Variants in CACNG2 observed in about 807,000 individuals in gnomAD.
The protein encoded by CACNG2 is voltage-dependent calcium channel gamma-2 subunit.
A neutral mutation model predicts 25.9 loss-of-function variants in CACNG2; 3 were observed. That is an observed-to-expected ratio of 0.12 (90% CI 0.05 to 0.30). The LOEUF (loss-of-function observed/expected upper bound fraction) is 0.30, where lower values mean the gene tolerates loss of function less well. Ranked by LOEUF, CACNG2 falls within the 10% of genes least tolerant of loss-of-function variation. The probability of loss-of-function intolerance (pLI) is 1.00; values close to 1 mark genes in which losing one functional copy is unlikely to be tolerated. For missense variants in CACNG2, 341 were observed against 432.5 expected (o/e 0.79, Z 1.88); for synonymous variants, 167 against 173.3 (o/e 0.96, Z 0.29).
intron 1 of CACNG2, among the ~76,000 whole-genome samples, chr22:36,653,149 T>G (rs946055544): frequency 6.6e-6 from 1 of 152,052 alleles, no homozygotes; most frequent in Non-Finnish European, 1.5e-5. Context: ...TGGAGAAACC[T>G]CGTCTCTACT....
intron 1 of CACNG2, among the ~76,000 whole-genome samples, chr22:36,630,331 G>C (rs1332239319): frequency 6.6e-6 from 1 of 152,166 alleles, no homozygotes; most frequent in Non-Finnish European, 1.5e-5. Flanking sequence ...TATTCTGAAG[G>C]CAGAGTCAAC....
intron 1 of CACNG2, among the ~76,000 whole-genome samples, chr22:36,596,201 G>A (rs1935676175): frequency 6.6e-6 from 1 of 152,206 alleles, no homozygotes; most frequent in African/African-American, 2.4e-5. Context: ...CAAAGGAAGG[G>A]TTTAGTGGGA....
chr22:36,644,997 T>C (rs1184744536), intron 1 of CACNG2, among the ~76,000 whole-genome samples: 2 of 152,268 alleles, frequency 1.3e-5, no homozygotes, highest in Admixed American at 1.3e-4. Context: ...TCTATCAAAT[T>C]CACATAACAA....
intron 1 of CACNG2, among the ~76,000 whole-genome samples, chr22:36,595,543 G>A (rs934321974): frequency 1.3e-5 from 2 of 152,160 alleles, no homozygotes; most frequent in African/African-American, 2.4e-5. Flanking sequence ...GTACAAAGAC[G>A]TGACAAATTG....
At chr22:36,684,615 CAAAA>C (rs10647451) in intron 1 of CACNG2, among the ~76,000 whole-genome samples, 1 of 101,344 alleles carries the variant, frequency 9.9e-6, no homozygotes, top group African/African-American at 3.6e-5. Flanking sequence ...GACCTTGTCT[CAAAA>C]AAAAAAAAAA....
At position 36,702,864 on chromosome 22, in the gene CACNG2, A is replaced by T. The variant is rs1484611659; in HGVS notation, c.-288T>A. On this transcript the variant is annotated 5_prime_UTR_variant, in exon 1 of 4. Transcript: ENST00000300105. ...TTTTTTTAAAAAGAAAAGGAAAAAA[A>T]AAATAAAAAGACACCCCCCACCCCC... The T allele has an allele frequency of 4.6e-5, 14 of 301,746 alleles. No homozygotes were observed. Among genetic ancestry groups the T allele is most frequent in the Admixed American group, 9.5e-5 (2 of 21,122 alleles). The allele number at this position is 301,746 out of a possible 1,614,324, so 18.7% of individuals were successfully genotyped here.
intron 1 of CACNG2, among the ~76,000 whole-genome samples, chr22:36,670,504 G>A (rs1371040750): frequency 6.6e-6 from 1 of 152,164 alleles, no homozygotes; most frequent in Non-Finnish European, 1.5e-5. Flanking sequence ...AAAAAATTGA[G>A]CTTTTGTGGT....
Position 36,625,950 on chromosome 22 carries a change from T to C in CACNG2, c.212-38402A>G, listed in dbSNP as rs111267743. Among the ~76,000 whole-genome samples the C allele has an allele frequency of 2.6e-3, 395 of 152,210 alleles. 4 individuals are homozygous for C. Among genetic ancestry groups the C allele is most frequent in the Middle Eastern group, 0.014 (4 of 294 alleles). On this transcript the variant is annotated intron_variant, in intron 1 of 3. Transcript: ENST00000300105. ...TTTTTGTTTGTTTGAGATGGAATCT[T>C]ACTCTGTCACCCAGGCTGGAGTGCA...
chr22:36,660,077 G>A lies in CACNG2; in HGVS notation c.211+42289C>T, dbSNP rs578045900. On this transcript the variant is annotated intron_variant, in intron 1 of 3. Transcript: ENST00000300105. ...ACCCGCACAAGCCGGGGCCTCCCAG[G>A]TCAGCTCTCATTCCCTGGCACAGAC... Among the ~76,000 whole-genome samples, 48 of 152,338 alleles carry A rather than the reference G, an allele frequency of 3.2e-4. No homozygotes were observed. In the South Asian group the frequency reaches 3.7e-3, roughly 12 times the overall value.
chr22:36,571,720 TA>T (rs901233481), intron 2 of CACNG2, among the ~76,000 whole-genome samples: 1 of 151,130 alleles, frequency 6.6e-6, no homozygotes, highest in Non-Finnish European at 1.5e-5. Flanking sequence ...CTACCAAAAA[TA>T]AAAAAATTAG....
At chr22:36,701,595 G>C (rs1229941081) in intron 1 of CACNG2, among the ~76,000 whole-genome samples, 3 of 139,336 alleles carry the variant, frequency 2.2e-5, no homozygotes, top group Non-Finnish European at 4.6e-5. Context: ...CGGCTGCAAT[G>C]CTGACTCTAC....
intron 1 of CACNG2, among the ~76,000 whole-genome samples, chr22:36,657,255 C>T (rs1425070056): frequency 6.6e-6 from 1 of 152,172 alleles, no homozygotes; most frequent in Admixed American, 6.5e-5. Flanking sequence ...TGGCTCTGGG[C>T]ATGGAAGGAT....
intron 1 of CACNG2, among the ~76,000 whole-genome samples, chr22:36,666,175 T>C (rs903695886): frequency 3.3e-5 from 5 of 152,124 alleles, no homozygotes; most frequent in African/African-American, 1.2e-4. Flanking sequence ...GAGGCTGATG[T>C]GGGAGGCTCG....
At chr22:36,589,579 T>C (rs1935555868) in intron 1 of CACNG2, among the ~76,000 whole-genome samples, 1 of 152,220 alleles carries the variant, frequency 6.6e-6, no homozygotes, top group African/African-American at 2.4e-5. Context: ...ATTCACTAAC[T>C]TTCTTGAGTT....
At position 36,614,144 on chromosome 22, in the gene CACNG2, A is replaced by G. The variant is rs1207185193; in HGVS notation, c.212-26596T>C. 2.6e-5 allele frequency among the ~76,000 whole-genome samples: 4 copies of G among 152,136 alleles called. No homozygotes were observed. The East Asian group carries it at 5.8e-4, about 22-fold the overall frequency. ...ACGTCCAAACTCTTTGACAAGGTCA[A>G]CAGGGTCCACCACAATTCGACAGCT... On this transcript the variant is annotated intron_variant, in intron 1 of 3. Coordinates refer to ENST00000300105, the MANE Select transcript of CACNG2 (RefSeq NM_006078.5).
intron 2 of CACNG2, among the ~76,000 whole-genome samples, chr22:36,569,236 G>T (rs1036985201): frequency 6.6e-6 from 1 of 152,146 alleles, no homozygotes; most frequent in East Asian, 1.9e-4. Context: ...CCTCATAACA[G>T]TCCGGCAGGG....
chr22:36,628,236 T>A (rs911700214), intron 1 of CACNG2, among the ~76,000 whole-genome samples: 6 of 152,228 alleles, frequency 3.9e-5, no homozygotes, highest in African/African-American at 1.4e-4. Context: ...GGGGACGAGA[T>A]GTTTTTGAAA....
intron 1 of CACNG2, among the ~76,000 whole-genome samples, chr22:36,642,144 G>T (rs371726639): frequency 1.3e-5 from 2 of 152,194 alleles, no homozygotes; most frequent in Non-Finnish European, 2.9e-5. Context: ...GGCCAAGGCT[G>T]TCAGCTCGAG....
chr22:36,674,474 G>A (rs963923541), intron 1 of CACNG2, among the ~76,000 whole-genome samples: 1 of 151,992 alleles, frequency 6.6e-6, no homozygotes, highest in East Asian at 1.9e-4. Flanking sequence ...GATTACAGAC[G>A]TGCACCACCA....
Sources: allele counts gnomAD v4.1 joint callset (sites outside exome capture counted in the v4.1 genomes callset), GRCh38; gene constraint gnomAD v4.1.1; transcripts MANE v1.5; gene names NCBI Gene and HGNC (gene_info 2026-07-23, HGNC 2026-07-21).